The following GRIK1 variants were observed in gnomAD, a reference collection of about 807,000 sequenced individuals.
The protein encoded by GRIK1 is glutamate ionotropic receptor kainate type subunit 1, also known as glutamate receptor ionotropic, kainate 1.
Under a neutral mutation model 105.7 loss-of-function variants are expected in GRIK1, and 69 were observed. The ratio of observed to expected loss-of-function variants is 0.65; its 90% CI spans 0.54 to 0.80. The LOEUF (loss-of-function observed/expected upper bound fraction) is 0.80, where lower values mean the gene tolerates loss of function less well. Ranked by LOEUF, GRIK1 falls within the 30% of genes least tolerant of loss-of-function variation. The pLI, the probability that GRIK1 is intolerant of heterozygous loss-of-function variation, is 0.00. For synonymous variants in GRIK1, 438 were observed against 431.3 expected, an observed-to-expected ratio of 1.02 and a Z score of -0.19; for missense variants, 1,109 against 1,167.3, an observed-to-expected ratio of 0.95 and a Z score of 0.73.
chr21:29,553,747 T>A, intron 16 of GRIK1: 14 of 1,186,646 alleles, frequency 1.2e-5, no homozygotes, highest in Non-Finnish European at 1.7e-5. Context: ...GAAAAATGAA[T>A]AAATCAGAAG....
intron 16 of GRIK1, among the ~76,000 whole-genome samples, chr21:29,548,249 C>T (rs1215767644): frequency 6.6e-6 from 1 of 152,174 alleles, no homozygotes; most frequent in Non-Finnish European, 1.5e-5. Context: ...TCAAATTCTG[C>T]AGGGTTTCAA....
At chr21:29,886,449 C>A (rs943744847) in intron 1 of GRIK1, among the ~76,000 whole-genome samples, 7 of 152,084 alleles carry the variant, frequency 4.6e-5, no homozygotes, top group Non-Finnish European at 1.0e-4. Context: ...GAAGGCCCAC[C>A]AGCACACTTC....
intron 3 of GRIK1, among the ~76,000 whole-genome samples, chr21:29,680,983 A>G (rs1467910241): frequency 6.6e-6 from 1 of 152,066 alleles, no homozygotes; most frequent in East Asian, 1.9e-4. Context: ...AAATACAAAA[A>G]TTAGCCGGGC....
chr21:29,553,477 G>A (rs572182501), intron 16 of GRIK1: 131 of 1,461,334 alleles, frequency 9.0e-5, no homozygotes, highest in Non-Finnish European at 1.1e-4. Flanking sequence ...TTTATGCTTA[G>A]CAAATACAAA....
At chr21:29,757,524 A>G (rs1324111541) in intron 1 of GRIK1, among the ~76,000 whole-genome samples, 3 of 152,260 alleles carry the variant, frequency 2.0e-5, no homozygotes, top group African/African-American at 7.2e-5. Context: ...AAAATTTGAA[A>G]CACAAACAGT....
At chr21:29,836,036 GCTGCACTCTTCACCAAGC>G (rs2067794898) in intron 1 of GRIK1, among the ~76,000 whole-genome samples, 1 of 152,178 alleles carries the variant, frequency 6.6e-6, no homozygotes, top group Non-Finnish European at 1.5e-5. Flanking sequence ...GCAATAGCAG[GCTGCACTCTTCACCAAGC>G]CTGGCAGGCT....
intron 1 of GRIK1, among the ~76,000 whole-genome samples, chr21:29,702,582 G>A (rs919282740): frequency 3.3e-5 from 5 of 152,206 alleles, no homozygotes; most frequent in Middle Eastern, 3.4e-3. Context: ...ATGGTGGCAC[G>A]CACCTGTAAT....
chr21:29,703,037 T>G (rs2063841813), intron 1 of GRIK1, among the ~76,000 whole-genome samples: 1 of 152,240 alleles, frequency 6.6e-6, no homozygotes, highest in Non-Finnish European at 1.5e-5. Context: ...TTCCTGTTTG[T>G]GAAATGTTAT....
At chr21:29,583,855 T>C (rs1362237597) in intron 12 of GRIK1, among the ~76,000 whole-genome samples, 1 of 152,140 alleles carries the variant, frequency 6.6e-6, no homozygotes, top group Admixed American at 6.6e-5. Context: ...TAACACCTGC[T>C]TAAAGATAGC....
chr21:29,739,959 A>AACACACATGCACATGC (rs2064885204), intron 1 of GRIK1, among the ~76,000 whole-genome samples: 1 of 152,208 alleles, frequency 6.6e-6, no homozygotes, highest in African/African-American at 2.4e-5. Context: ...TATGTTGTGC[A>AACACACATGCACATGC]ACACACATGC....
In GRIK1 at chr21:29,931,539, G is replaced by T. The variant is rs1393552211; in HGVS notation, c.118+7844C>A. 2.0e-5 allele frequency among the ~76,000 whole-genome samples: 3 copies of T among 152,220 alleles called. No homozygotes were observed. The East Asian group carries it at 5.8e-4, about 29-fold the overall frequency. ...CCTGGCTCTTCTGCTGAGCAGATTT[G>T]CCTATTCTCCCTACTTATTTATTTA... On this transcript the variant is annotated intron_variant, in intron 1 of 17. Transcript: ENST00000327783.
intron 1 of GRIK1, among the ~76,000 whole-genome samples, chr21:29,725,292 C>T (rs112671872): frequency 6.6e-6 from 1 of 152,198 alleles, no homozygotes; most frequent in Non-Finnish European, 1.5e-5. Context: ...AAGCAACAAC[C>T]TGCCAATTCT....
rs143442898 is a variant in GRIK1 at position 29,736,959 on chromosome 21, G to A, written c.119-42896C>T. Among the ~76,000 whole-genome samples, 397 of 152,188 alleles carry A rather than the reference G, an allele frequency of 2.6e-3. 2 individuals are homozygous for A. Among genetic ancestry groups the A allele is most frequent in the African/African-American group, 9.1e-3 (378 of 41,530 alleles). Reference sequence around the variant, plus strand: ...CTCCCAGAGTGCTGGGATTACAGGCGTGAACAACCATGCTCAACCCGACAT... The same window carrying A: ...CTCCCAGAGTGCTGGGATTACAGGCATGAACAACCATGCTCAACCCGACAT... On this transcript the variant is annotated intron_variant, in intron 1 of 17. Coordinates refer to ENST00000327783, the MANE Select transcript of GRIK1 (RefSeq NM_001330994.2).
At chr21:29,608,900 G>A (rs2146361909) in intron 7 of GRIK1, among the ~76,000 whole-genome samples, 1 of 152,118 alleles carries the variant, frequency 6.6e-6, no homozygotes, top group South Asian at 2.1e-4. Context: ...CTTTTTAATA[G>A]TCCAGGAGCA....
intron 1 of GRIK1, among the ~76,000 whole-genome samples, chr21:29,762,749 C>G (rs1350901549): frequency 6.6e-6 from 1 of 152,096 alleles, no homozygotes; most frequent in Non-Finnish European, 1.5e-5. Context: ...CACCTTTAGA[C>G]TGCAGAGTCA....
At chr21:29,842,620 T>C (rs2068012812) in intron 1 of GRIK1, among the ~76,000 whole-genome samples, 1 of 152,172 alleles carries the variant, frequency 6.6e-6, no homozygotes, top group Non-Finnish European at 1.5e-5. Flanking sequence ...TCAATTCCAA[T>C]GGTGAAAATT....
intron 1 of GRIK1, among the ~76,000 whole-genome samples, chr21:29,910,387 A>G (rs561902599): frequency 1.3e-5 from 2 of 152,086 alleles, no homozygotes; most frequent in Non-Finnish European, 2.9e-5. Flanking sequence ...ATCTCCGTAA[A>G]GCAAAAACAG....
intron 16 of GRIK1, chr21:29,553,532 C>CT (rs112669361): frequency 0.063 from 80,552 of 1,274,754 alleles, 34 homozygotes; most frequent in Non-Finnish European, 0.07. Flanking sequence ...CTGGGCACAT[C>CT]TTTTTTTTTT....
rs363490 is a variant in GRIK1 at position 29,577,275 on chromosome 21, A to G, written c.1913-94T>C. On this transcript the variant is annotated intron_variant, in intron 13 of 17. Coordinates refer to ENST00000327783, the MANE Select transcript of GRIK1 (RefSeq NM_001330994.2). ...CACTATTCTAGGAAGATCAACCTGT[A>G]AAAGACTTACCGTCTTGTAGGTAGA... 0.012 allele frequency: 8,633 copies of G among 706,684 alleles called. 497 individuals carry two copies. In the African/African-American group the frequency reaches 0.13, roughly 10 times the overall value. The allele number at this position is 706,684 out of a possible 1,614,324, so 43.8% of individuals were successfully genotyped here. A position where few individuals can be genotyped will look rare whatever the true frequency, so the allele number is the denominator to read the frequency against.
Sources: allele counts gnomAD v4.1 joint callset (sites outside exome capture counted in the v4.1 genomes callset), GRCh38; gene constraint gnomAD v4.1.1; transcripts MANE v1.5; gene names NCBI Gene and HGNC (gene_info 2026-07-23, HGNC 2026-07-21).